The following SNX29 variants were observed in gnomAD, a reference collection of about 807,000 sequenced individuals.
SNX29 encodes the protein sorting nexin-29.
In SNX29, 78 loss-of-function variants were observed where a neutral mutation model predicts 102.1. The ratio of observed to expected loss-of-function variants is 0.76; its 90% CI spans 0.64 to 0.92. The LOEUF is 0.92. Ranked by LOEUF, SNX29 falls within the 40% of genes least tolerant of loss-of-function variation. The pLI is 0.00. For missense variants in SNX29, 1,280 were observed against 1,061.7 expected (o/e 1.21, Z -2.86); for synonymous variants, 580 against 414.5 (o/e 1.40, Z -4.85).
intron 13 of SNX29, among the ~76,000 whole-genome samples, chr16:12,166,922 A>G (rs558689426): frequency 6.6e-6 from 1 of 152,340 alleles, no homozygotes; most frequent in East Asian, 1.9e-4. Context: ...AGGAAGAAGA[A>G]AATGCTCCGT....
At chr16:12,277,909 T>C (rs767169564) in intron 14 of SNX29, 24 bp from the exon 15 acceptor site, 1 of 1,575,364 alleles carries the variant, frequency 6.3e-7, no homozygotes, top group Non-Finnish European at 8.7e-7. Context: ...GAAATATTTA[T>C]GACATGTCTC....
At chr16:12,406,084 T>C (rs774978228) in intron 18 of SNX29, among the ~76,000 whole-genome samples, 3 of 151,766 alleles carry the variant, frequency 2.0e-5, no homozygotes, top group Non-Finnish European at 2.9e-5. Flanking sequence ...TTGACATAAT[T>C]TCTAGAGAAA....
intron 13 of SNX29, among the ~76,000 whole-genome samples, chr16:12,165,343 G>T (rs1298655982): frequency 6.6e-6 from 1 of 152,210 alleles, no homozygotes; most frequent in Non-Finnish European, 1.5e-5. Flanking sequence ...TATACAGCTT[G>T]TGAAGTTGTT....
chr16:12,455,274 A>T (rs2151730980), intron 18 of SNX29, among the ~76,000 whole-genome samples: 1 of 152,166 alleles, frequency 6.6e-6, no homozygotes, highest in South Asian at 2.1e-4. Flanking sequence ...GGGGTTTCTA[A>T]AGCCCCCACA....
intron 15 of SNX29, among the ~76,000 whole-genome samples, chr16:12,344,289 C>CAG (rs1567459259): frequency 6.6e-6 from 1 of 152,144 alleles, no homozygotes; most frequent in African/African-American, 2.4e-5. Context: ...TAACCCAAAG[C>CAG]AGAGAGAGAT....
rs149877624 is a variant in SNX29 at position 12,482,805 on chromosome 16, T to C, written c.2178+4946T>C. Among the ~76,000 whole-genome samples the C allele has an allele frequency of 6.4e-3, 977 of 152,338 alleles. 7 individuals carry two copies. Among genetic ancestry groups the C allele is most frequent in the Non-Finnish European group, 0.011 (748 of 68,038 alleles). On this transcript the variant is annotated intron_variant, in intron 19 of 20. Transcript: ENST00000566228. ...CCATCATTGGTGATTGTCTGACAGT[T>C]TTATAGTTGAAAGTGATCTTAATCC...
At chr16:12,027,043 C>A (rs1179291218) in intron 3 of SNX29, among the ~76,000 whole-genome samples, 2 of 152,204 alleles carry the variant, frequency 1.3e-5, no homozygotes, top group African/African-American at 4.8e-5. Flanking sequence ...TGGCACCCGT[C>A]CCTGTTCCCA....
chr16:11,999,951 A>G (rs1344610314), intron 2 of SNX29, among the ~76,000 whole-genome samples: 2 of 151,526 alleles, frequency 1.3e-5, no homozygotes, highest in South Asian at 2.1e-4. Context: ...TCATTGTCTC[A>G]TTTCCAAGCA....
Position 12,540,349 on chromosome 16 carries a change from A to T in SNX29, c.2318+15508A>T, listed in dbSNP as rs79014801. On this transcript the variant is annotated intron_variant, in intron 20 of 20. Transcript: ENST00000566228. The stretch of plus-strand genomic sequence containing the variant: ...GCTCTTATGATTAAAGAGGAACGTT[A>T]TCCCCTGTATTAATTTCTTATTGTT... Among the ~76,000 whole-genome samples the T allele has an allele frequency of 9.9e-5, 15 of 152,278 alleles. No homozygotes were observed. In the East Asian group the frequency reaches 2.9e-3, roughly 29 times the overall value.
At chr16:12,456,850 G>A (rs1162524499) in intron 18 of SNX29, among the ~76,000 whole-genome samples, 2 of 152,262 alleles carry the variant, frequency 1.3e-5, no homozygotes, top group South Asian at 2.1e-4. Context: ...ACGTACCTAG[G>A]TTGATGGGAG....
chr16:12,368,455 G>A (rs1042755135), intron 16 of SNX29, among the ~76,000 whole-genome samples: 2 of 152,190 alleles, frequency 1.3e-5, no homozygotes, highest in South Asian at 2.1e-4. Context: ...ATCGCCTGTC[G>A]GTCACTGTGT....
intron 4 of SNX29, among the ~76,000 whole-genome samples, chr16:12,035,293 C>T (rs910370225): frequency 6.6e-6 from 1 of 151,332 alleles, no homozygotes; most frequent in Non-Finnish European, 1.5e-5. Context: ...CTCTCTGCAG[C>T]CTTGAACTTC....
chr16:12,243,621 A>G (rs2078176092), intron 14 of SNX29, among the ~76,000 whole-genome samples: 2 of 152,090 alleles, frequency 1.3e-5, no homozygotes, highest in Non-Finnish European at 2.9e-5. Flanking sequence ...CTGATACCCT[A>G]TTTTGGCCCA....
intron 12 of SNX29, 112 bp downstream of exon 12, chr16:12,126,808 C>T: frequency 9.0e-7 from 1 of 1,112,986 alleles, no homozygotes; most frequent in African/African-American, 1.5e-5. Context: ...AAAATTGTGA[C>T]TGGCTATTTC....
intron 20 of SNX29, among the ~76,000 whole-genome samples, chr16:12,565,710 C>T (rs754007428): frequency 4.6e-5 from 7 of 152,212 alleles, no homozygotes; most frequent in East Asian, 1.9e-4. Flanking sequence ...AGCAGCTGGG[C>T]CGGGTCTGCC....
At chr16:12,334,344 T>A (rs1041836062) in intron 15 of SNX29, among the ~76,000 whole-genome samples, 3 of 152,158 alleles carry the variant, frequency 2.0e-5, no homozygotes, top group Non-Finnish European at 2.9e-5. Context: ...GGTCTGGGGC[T>A]TCGCTTTTGT....
At chr16:12,541,269 C>G (rs953963817) in intron 20 of SNX29, among the ~76,000 whole-genome samples, 1 of 152,128 alleles carries the variant, frequency 6.6e-6, no homozygotes, top group Admixed American at 6.5e-5. Context: ...GAGAGAATGA[C>G]AGGAGCAGGG....
At chr16:12,235,187 A>G (rs979129154) in intron 14 of SNX29, among the ~76,000 whole-genome samples, 9 of 151,234 alleles carry the variant, frequency 6.0e-5, no homozygotes, top group Admixed American at 2.0e-4. Context: ...TCACTTGCTC[A>G]CTCTTTCTTT....
chr16:12,172,159 C>T (rs1596417807), intron 13 of SNX29, among the ~76,000 whole-genome samples: 1 of 152,126 alleles, frequency 6.6e-6, no homozygotes, highest in Admixed American at 6.5e-5. Context: ...AAATGCAAAT[C>T]GGTACCTGGT....
Sources: allele counts gnomAD v4.1 joint callset (sites outside exome capture counted in the v4.1 genomes callset), GRCh38; gene constraint gnomAD v4.1.1; transcripts MANE v1.5; gene names NCBI Gene and HGNC (gene_info 2026-07-23, HGNC 2026-07-21).